Variants in SLC16A9 observed in about 807,000 individuals in gnomAD.
The protein encoded by SLC16A9 is solute carrier family 16 member 9, also known as monocarboxylate transporter 9.
Under a neutral mutation model 44.3 loss-of-function variants are expected in SLC16A9, and 26 were observed. That is an observed-to-expected ratio of 0.59 (90% confidence interval 0.43 to 0.81). SLC16A9 has a LOEUF of 0.81. SLC16A9 is among the 40% of genes least tolerant of loss of function. The probability of loss-of-function intolerance (pLI) is 0.00; values close to 1 mark genes in which losing one functional copy is unlikely to be tolerated. For synonymous variants in SLC16A9, 230 were observed against 225.1 expected (o/e 1.02, Z -0.19); for missense variants, 559 against 595.8 (o/e 0.94, Z 0.64).
intron 1 of SLC16A9, among the ~76,000 whole-genome samples, chr10:59,694,393 T>C (rs1379490200): frequency 6.6e-6 from 1 of 152,172 alleles, no homozygotes; most frequent in Non-Finnish European, 1.5e-5. Context: ...GATATGAAAA[T>C]CAAGGTTTCG....
chr10:59,700,786 T>C (rs1840505390), intron 1 of SLC16A9, among the ~76,000 whole-genome samples: 1 of 152,134 alleles, frequency 6.6e-6, no homozygotes, highest in African/African-American at 2.4e-5. Flanking sequence ...TAAAAAGTGT[T>C]TCACTATGGC....
At chr10:59,682,253 G>C (rs559215603) in intron 2 of SLC16A9, among the ~76,000 whole-genome samples, 2 of 152,268 alleles carry the variant, frequency 1.3e-5, no homozygotes, top group South Asian at 4.2e-4. Context: ...CCAGTGTTTA[G>C]AAGGATCCCA....
At position 59,652,677 on chromosome 10, in the gene SLC16A9, AAT is replaced by A; in HGVS notation, c.*93_*94del. On this transcript the variant is annotated 3_prime_UTR_variant, in exon 6 of 6. Coordinates refer to ENST00000395348, the MANE Select transcript of SLC16A9 (RefSeq NM_194298.3). ...TCATTGTGAAATTTTGCTATGAGAAAATAGTCTTGACTCTAGAAAATTTGCTT... is the reference window on the plus strand; with the variant it reads ...TCATTGTGAAATTTTGCTATGAGAAAAGTCTTGACTCTAGAAAATTTGCTT... 1.7e-6 allele frequency: 2 copies of A among 1,178,846 alleles called. No individual in the cohort carries two copies. The highest frequency in any genetic ancestry group is 1.8e-5 in the South Asian group (1 of 56,434). 73.0% of individuals were successfully genotyped at this position (1,178,846 alleles called of 1,614,324 possible). A position where few individuals can be genotyped will look rare whatever the true frequency, so the allele number is the denominator to read the frequency against.
chr10:59,693,734 C>G (rs1040460308), intron 1 of SLC16A9, among the ~76,000 whole-genome samples: 1 of 150,984 alleles, frequency 6.6e-6, no homozygotes, highest in Non-Finnish European at 1.5e-5. Flanking sequence ...ATTCTCCTGC[C>G]GCAGCCTCCC....
chr10:59,669,725 T>A (rs1839701380), intron 3 of SLC16A9, among the ~76,000 whole-genome samples: 1 of 151,932 alleles, frequency 6.6e-6, no homozygotes, highest in Non-Finnish European at 1.5e-5. Context: ...AGTCCCAGCT[T>A]ACTCGGGAGG....
chr10:59,689,318 A>T (rs1402551350), intron 1 of SLC16A9, among the ~76,000 whole-genome samples: 1 of 152,120 alleles, frequency 6.6e-6, no homozygotes, highest in Admixed American at 6.5e-5. Flanking sequence ...AGGTGATTTT[A>T]TGAATAGGCT....
intron 3 of SLC16A9, among the ~76,000 whole-genome samples, chr10:59,669,820 A>T (rs1050677836): frequency 3.9e-5 from 6 of 152,162 alleles, no homozygotes; most frequent in Middle Eastern, 3.2e-3. Context: ...AGTACAGAAT[A>T]AACAAATGGA....
Position 59,679,959 on chromosome 10 carries a change from C to A in SLC16A9, c.196+4137G>T, listed in dbSNP as rs1839950950. Among the ~76,000 whole-genome samples the A allele has an allele frequency of 2.6e-5, 4 of 152,234 alleles. 1 individual carries two copies. Among genetic ancestry groups the A allele is most frequent in the Admixed American group, 2.6e-4 (4 of 15,286 alleles). ...CAGAGATTGTTTTGCCATTGCTATTCTCCTTGATATTTGTGAATTCTCAAA... is the reference window on the plus strand; with the variant it reads ...CAGAGATTGTTTTGCCATTGCTATTATCCTTGATATTTGTGAATTCTCAAA... On this transcript the variant is annotated intron_variant, in intron 2 of 5. Coordinates refer to ENST00000395348, the MANE Select transcript of SLC16A9 (RefSeq NM_194298.3).
chr10:59,707,664 T>A (rs1361161883), intron 1 of SLC16A9, among the ~76,000 whole-genome samples: 1 of 151,898 alleles, frequency 6.6e-6, no homozygotes, highest in South Asian at 2.1e-4. Flanking sequence ...CATTCTACAA[T>A]GTATTACTGT....
intron 1 of SLC16A9, among the ~76,000 whole-genome samples, chr10:59,684,792 G>A (rs1840096921): frequency 6.6e-6 from 1 of 152,176 alleles, no homozygotes; most frequent in South Asian, 2.1e-4. Context: ...TATAAAGAAG[G>A]GGATTTCTAA....
At chr10:59,682,239 G>T (rs1840041475) in intron 2 of SLC16A9, among the ~76,000 whole-genome samples, 1 of 152,122 alleles carries the variant, frequency 6.6e-6, no homozygotes, top group African/African-American at 2.4e-5. Context: ...AAGTTGCACA[G>T]GGCCCAGTGT....
chr10:59,707,271 A>AGCG lies in SLC16A9; in HGVS notation c.-37+2207_-37+2208insCGC, dbSNP rs1192301130. On this transcript the variant is annotated intron_variant, in intron 1 of 5. Coordinates refer to ENST00000395348, the MANE Select transcript of SLC16A9 (RefSeq NM_194298.3). ...AGGGGAGGGCAGAGGAGGGGAGGGG[A>AGCG]GAGGAGGGAAGGGAAGGGAAGGGAA... 8.6e-4 allele frequency among the ~76,000 whole-genome samples: 94 copies of AGCG among 109,166 alleles called. 2 individuals are homozygous for AGCG. The highest frequency in any genetic ancestry group is 3.2e-3 in the African/African-American group (90 of 27,910). 71.6% of individuals were successfully genotyped at this position (109,166 alleles called of 152,430 possible).
At chr10:59,667,586 C>T (rs922021163) in intron 3 of SLC16A9, among the ~76,000 whole-genome samples, 8 of 152,174 alleles carry the variant, frequency 5.3e-5, no homozygotes, top group African/African-American at 1.4e-4. Flanking sequence ...TAATACAGCA[C>T]ATTTTAATAG....
chr10:59,677,857 T>A (rs1174551105), intron 2 of SLC16A9, among the ~76,000 whole-genome samples: 2 of 152,018 alleles, frequency 1.3e-5, no homozygotes, highest in Admixed American at 6.5e-5. Flanking sequence ...CTTTTTTTTT[T>A]AAGTTTAGCT....
rs550527563 is a variant in SLC16A9, at chr10:59,672,833, G to T, written c.277C>A (p.Leu93Met). Reference protein sequence around the residue: ...IFSGFMVAGGLMLSSFAPNIY... With the variant: ...IFSGFMVAGGMMLSSFAPNIY... ...TTGGGAGCAAAACTGCTCAACATCA[G>T]GCCTCCAGCCACCATGAAGCCACTG... The change falls in exon 3 of 6, where the codon CTG becomes ATG. Residue 93 changes from leucine to methionine, a missense_variant. Coordinates refer to ENST00000395348, the MANE Select transcript of SLC16A9 (RefSeq NM_194298.3). 1.3e-5 allele frequency: 21 copies of T among 1,613,790 alleles called. No homozygotes were observed. The East Asian group carries it at 2.9e-4, about 22-fold the overall frequency.
Position 59,653,904 on chromosome 10 carries a change from A to G in SLC16A9, c.1122T>C (p.Leu374=). 11 of 1,614,180 alleles carry G rather than the reference A, an allele frequency of 6.8e-6. No homozygotes were observed. The highest frequency in any genetic ancestry group is 9.3e-6 in the Non-Finnish European group (11 of 1,180,028). ...ADFKWINTLY[L]YVATLIIMGL... is the part of the protein sequence containing the mutation. ...CCATGATGATTAAGGTAGCAACATA[A>G]AGATACAAGGTATTAATCCACTTGA... Residue 374 remains leucine (L), a synonymous_variant, in exon 5 of 6, where the codon CTT becomes CTC. Coordinates refer to ENST00000395348, the MANE Select transcript of SLC16A9 (RefSeq NM_194298.3).
intron 3 of SLC16A9, among the ~76,000 whole-genome samples, chr10:59,671,730 A>G (rs995484434): frequency 2.0e-5 from 3 of 152,234 alleles, no homozygotes; most frequent in African/African-American, 7.2e-5. Flanking sequence ...AGCCTAAGCC[A>G]ATATCAAATC....
chr10:59,678,011 T>C (rs1436935920), intron 2 of SLC16A9, among the ~76,000 whole-genome samples: 1 of 151,232 alleles, frequency 6.6e-6, no homozygotes, highest in Non-Finnish European at 1.5e-5. Context: ...GCATTAGGTA[T>C]ATCTCCCAAT....
intron 1 of SLC16A9, among the ~76,000 whole-genome samples, chr10:59,696,428 T>G (rs963641685): frequency 2.0e-5 from 3 of 152,084 alleles, no homozygotes; most frequent in African/African-American, 7.2e-5. Context: ...CAGGCTGGAG[T>G]GCAGTGGCGT....
Sources: gnomAD v4.1 joint callset for allele counts (sites outside exome capture counted in the v4.1 genomes callset) on GRCh38, gnomAD v4.1.1 for gene constraint, MANE v1.5 for transcripts, NCBI Gene and HGNC (gene_info 2026-07-23, HGNC 2026-07-21) for gene names.